The following CFAP299 variants were observed in gnomAD, a reference collection of about 807,000 sequenced individuals.
CFAP299 encodes cilia and flagella associated protein 299.
A neutral mutation model predicts 27.0 loss-of-function variants in CFAP299; 21 were observed. The observed-to-expected ratio is 0.78, with a 90% CI of 0.55 to 1.12. The LOEUF (loss-of-function observed/expected upper bound fraction) is 1.12, where lower values mean the gene tolerates loss of function less well. Ranked by LOEUF, CFAP299 falls within the 50% of genes most tolerant of loss-of-function variation. The pLI is 0.00. For missense variants in CFAP299, 310 were observed against 276.6 expected (o/e 1.12, Z -0.86); for synonymous variants, 104 against 98.1 (o/e 1.06, Z -0.36).
At chr4:80,610,317 GT>G (rs1191181432) in intron 3 of CFAP299, among the ~76,000 whole-genome samples, 1 of 152,022 alleles carries the variant, frequency 6.6e-6, no homozygotes, top group African/African-American at 2.4e-5. Flanking sequence ...CACTTCCAGT[GT>G]CCCCCAACCC....
At chr4:80,622,271 G>A (rs1230923220) in intron 3 of CFAP299, among the ~76,000 whole-genome samples, 7 of 152,152 alleles carry the variant, frequency 4.6e-5, no homozygotes, top group Admixed American at 1.3e-4. Context: ...AGTGAAGGGC[G>A]ATTGCACTGA....
At chr4:80,782,618 A>G (rs1433516676) in intron 3 of CFAP299, among the ~76,000 whole-genome samples, 3 of 105,710 alleles carry the variant, frequency 2.8e-5, no homozygotes, top group African/African-American at 1.0e-4. Context: ...ATATTAATAT[A>G]TAATATATTC....
At position 80,865,251 on chromosome 4, in the gene CFAP299, G is replaced by A. The variant is rs1420024466; in HGVS notation, c.334-4742G>A. 3.3e-5 allele frequency among the ~76,000 whole-genome samples: 5 copies of A among 152,238 alleles called. No individual in the cohort carries two copies. In the South Asian group the frequency reaches 6.2e-4, roughly 19 times the overall value. ...GTGGCTTCTTAATAAACGATAACAA[G>A]TATTCATAGAAGAAATAATTACTAT... On this transcript the variant is annotated intron_variant, in intron 3 of 5. Transcript: ENST00000358105.
chr4:80,328,865 T>G, the CFAP299 span, among the ~76,000 whole-genome samples: 4 of 152,110 alleles, frequency 2.6e-5, no homozygotes, highest in Non-Finnish European at 5.9e-5. Flanking sequence ...ACTCATTGTT[T>G]TCCAGAATAA....
In CFAP299 at chr4:80,907,056, T is replaced by C. The variant is rs1170035660; in HGVS notation, c.476+36921T>C. ...ATGCTCTGCTTCCTCTTGAACACTT[T>C]GCTGCTTAGAAATTTCTTCTGCCAG... is the stretch of plus-strand genomic sequence containing the variant. On this transcript the variant is annotated intron_variant, in intron 4 of 5. Transcript: ENST00000358105. Among the ~76,000 whole-genome samples the C allele has an allele frequency of 4.6e-5, 7 of 152,160 alleles. 1 individual carries two copies. Among genetic ancestry groups the C allele is most frequent in the African/African-American group, 1.7e-4 (7 of 41,458 alleles).
chr4:80,901,757 ATATGGTT>A (rs1734910543), intron 4 of CFAP299, among the ~76,000 whole-genome samples: 1 of 152,048 alleles, frequency 6.6e-6, no homozygotes, highest in African/African-American at 2.4e-5. Flanking sequence ...TTTCTTTCAT[ATATGGTT>A]ACCTACTTTA....
intron 3 of CFAP299, among the ~76,000 whole-genome samples, chr4:80,690,648 A>G (rs1400781370): frequency 3.3e-5 from 5 of 151,772 alleles, no homozygotes; most frequent in South Asian, 2.1e-4. Flanking sequence ...AAAAGCAAGA[A>G]CAAACACATT....
chr4:80,643,447 G>A (rs759631979), intron 3 of CFAP299, among the ~76,000 whole-genome samples: 2 of 152,198 alleles, frequency 1.3e-5, no homozygotes, highest in Non-Finnish European at 2.9e-5. Context: ...AGTGGATCAA[G>A]AGGAAATGGG....
At chr4:80,577,574 T>C (rs143379099) in intron 2 of CFAP299, among the ~76,000 whole-genome samples, 58 of 152,094 alleles carry the variant, frequency 3.8e-4, no homozygotes, top group African/African-American at 1.2e-3. Context: ...AGCTAATTTT[T>C]GTATTTTTAG....
intron 4 of CFAP299, among the ~76,000 whole-genome samples, chr4:80,926,634 T>C (rs939085062): frequency 6.6e-6 from 1 of 152,028 alleles, no homozygotes; most frequent in Admixed American, 6.6e-5. Context: ...GATGGCAGTG[T>C]TACTTACTGA....
intron 3 of CFAP299, among the ~76,000 whole-genome samples, chr4:80,754,727 C>T (rs550191608): frequency 2.6e-5 from 4 of 152,204 alleles, no homozygotes; most frequent in African/African-American, 9.6e-5. Context: ...CTTGCTATCT[C>T]ACACCTGGTC....
At chr4:80,322,609 C>T in the CFAP299 span, among the ~76,000 whole-genome samples, 1 of 152,154 alleles carries the variant, frequency 6.6e-6, no homozygotes, top group African/African-American at 2.4e-5. Context: ...CAAGCGCTGT[C>T]TGTTCTGCTA....
At chr4:80,703,162 C>G (rs1168022562) in intron 3 of CFAP299, among the ~76,000 whole-genome samples, 1 of 151,776 alleles carries the variant, frequency 6.6e-6, no homozygotes, top group Non-Finnish European at 1.5e-5. Flanking sequence ...CTATAGTTCT[C>G]TTGTTCACTA....
intron 2 of CFAP299, among the ~76,000 whole-genome samples, chr4:80,380,684 C>T (rs1008939226): frequency 2.0e-5 from 3 of 152,110 alleles, no homozygotes; most frequent in Non-Finnish European, 4.4e-5. Flanking sequence ...CCACCTTGGC[C>T]TCCCAAAGTA....
intron 2 of CFAP299, among the ~76,000 whole-genome samples, chr4:80,381,980 A>C (rs1348305682): frequency 6.6e-6 from 1 of 152,236 alleles, no homozygotes; most frequent in African/African-American, 2.4e-5. Flanking sequence ...AAATGTGTAT[A>C]TCTTATGACA....
At chr4:80,678,022 T>C (rs961428971) in intron 3 of CFAP299, among the ~76,000 whole-genome samples, 3 of 152,118 alleles carry the variant, frequency 2.0e-5, no homozygotes, top group Non-Finnish European at 4.4e-5. Context: ...ATAGTTACTA[T>C]TTAAGGATTC....
At chr4:80,667,445 C>T (rs888992620) in intron 3 of CFAP299, among the ~76,000 whole-genome samples, 2 of 152,112 alleles carry the variant, frequency 1.3e-5, no homozygotes, top group African/African-American at 4.8e-5. Context: ...TTTCTTCTAT[C>T]AAACTGTGTG....
intron 3 of CFAP299, among the ~76,000 whole-genome samples, chr4:80,668,158 A>ATTTT (rs33953018): frequency 6.7e-6 from 1 of 149,674 alleles, no homozygotes; most frequent in Non-Finnish European, 1.5e-5. Context: ...TTTTAAATAA[A>ATTTT]TTTTTTTTTT....
intron 3 of CFAP299, among the ~76,000 whole-genome samples, chr4:80,866,709 C>A (rs1212595012): frequency 6.6e-6 from 1 of 152,100 alleles, no homozygotes; most frequent in Admixed American, 6.5e-5. Context: ...CACTTAAAGT[C>A]CTCCAGCATC....
Sources: gnomAD v4.1 joint callset for allele counts (sites outside exome capture counted in the v4.1 genomes callset) on GRCh38, gnomAD v4.1.1 for gene constraint, MANE v1.5 for transcripts, NCBI Gene and HGNC (gene_info 2026-07-23, HGNC 2026-07-21) for gene names.